The following ASTN2 variants were observed in gnomAD, a reference collection of about 807,000 sequenced individuals.
The protein encoded by ASTN2 is astrotactin-2.
In ASTN2, 54 loss-of-function variants were observed where a neutral mutation model predicts 139.8. The observed-to-expected ratio is 0.39, with a 90% CI of 0.31 to 0.48. The LOEUF (loss-of-function observed/expected upper bound fraction) is 0.48. Among genes scored for constraint, ASTN2 ranks in the 20% least tolerant of loss-of-function variants. ASTN2 has a pLI of 0.95. For missense variants in ASTN2, 1,565 were observed against 1,725.1 expected (o/e 0.91, Z 1.64); for synonymous variants, 756 against 719.5 (o/e 1.05, Z -0.81).
chr9:116,897,230 T>C (rs1833900049), intron 10 of ASTN2, among the ~76,000 whole-genome samples: 2 of 152,140 alleles, frequency 1.3e-5, no homozygotes, highest in African/African-American at 4.8e-5. Context: ...CAAGTGGTAA[T>C]ACCAGGCGAA....
chr9:116,760,064 G>A (rs1205208648), intron 13 of ASTN2, among the ~76,000 whole-genome samples: 1 of 152,138 alleles, frequency 6.6e-6, no homozygotes, highest in Admixed American at 6.5e-5. Flanking sequence ...TAACAGGACG[G>A]GTTTAGGAGC....
chr9:116,936,676 G>T (rs1835093207), intron 10 of ASTN2, among the ~76,000 whole-genome samples: 1 of 152,084 alleles, frequency 6.6e-6, no homozygotes, highest in Admixed American at 6.5e-5. Context: ...GTAAAGTTTG[G>T]GTTTTCTGAC....
intron 1 of ASTN2, among the ~76,000 whole-genome samples, chr9:117,363,335 C>A (rs1829745654): frequency 6.6e-6 from 1 of 152,206 alleles, no homozygotes; most frequent in Admixed American, 6.5e-5. Flanking sequence ...AAATACTTTA[C>A]ACACATTATC....
intron 16 of ASTN2, among the ~76,000 whole-genome samples, chr9:116,654,256 T>C (rs773578708): frequency 2.6e-5 from 4 of 152,200 alleles, no homozygotes; most frequent in Non-Finnish European, 5.9e-5. Context: ...CATTTATTTA[T>C]TGTGAATAGC....
At chr9:116,623,348 AC>A (rs1856272435) in intron 17 of ASTN2, among the ~76,000 whole-genome samples, 1 of 152,058 alleles carries the variant, frequency 6.6e-6, no homozygotes, top group South Asian at 2.1e-4. Flanking sequence ...CTTTCCCAAA[AC>A]CCCGAGGAAC....
intron 16 of ASTN2, among the ~76,000 whole-genome samples, chr9:116,711,448 C>T (rs951788641): frequency 3.3e-5 from 5 of 152,152 alleles, no homozygotes; most frequent in African/African-American, 1.2e-4. Context: ...TTCTTCTGGA[C>T]GATACCATCT....
At chr9:117,163,328 G>T (rs1830595490) in intron 3 of ASTN2, among the ~76,000 whole-genome samples, 1 of 152,000 alleles carries the variant, frequency 6.6e-6, no homozygotes. Context: ...GCTGGACTTT[G>T]TATTACCTAA....
At chr9:116,643,721 A>G (rs1336848610) in intron 17 of ASTN2, among the ~76,000 whole-genome samples, 1 of 152,118 alleles carries the variant, frequency 6.6e-6, no homozygotes, top group Non-Finnish European at 1.5e-5. Flanking sequence ...GATGGATATT[A>G]TTGTCTTCAT....
chr9:116,854,230 C>A (rs1489386751), intron 11 of ASTN2, among the ~76,000 whole-genome samples: 1 of 152,194 alleles, frequency 6.6e-6, no homozygotes, highest in African/African-American at 2.4e-5. Flanking sequence ...ATCATTGCCA[C>A]CACCACCATA....
chr9:116,607,746 G>A (rs1855288598), intron 19 of ASTN2, among the ~76,000 whole-genome samples: 2 of 150,972 alleles, frequency 1.3e-5, no homozygotes, highest in South Asian at 2.1e-4. Flanking sequence ...CGGGTCACGA[G>A]GTCAGGAGAT....
At chr9:116,580,675 C>T (rs1853912328) in intron 19 of ASTN2, among the ~76,000 whole-genome samples, 1 of 152,142 alleles carries the variant, frequency 6.6e-6, no homozygotes, top group African/African-American at 2.4e-5. Context: ...GTGGGAGGTG[C>T]ACTTAATGGG....
chr9:116,901,125 TG>T (rs1262627034), intron 10 of ASTN2, among the ~76,000 whole-genome samples: 3 of 151,958 alleles, frequency 2.0e-5, no homozygotes, highest in Non-Finnish European at 4.4e-5. Flanking sequence ...CGTGTGCAAG[TG>T]TGTGAAAGCT....
chr9:116,499,242 A>ATG (rs1344101587), intron 19 of ASTN2, among the ~76,000 whole-genome samples: 3 of 152,132 alleles, frequency 2.0e-5, no homozygotes, highest in Non-Finnish European at 2.9e-5. Context: ...AGCCTTGTCC[A>ATG]TGTTGTTCAT....
At chr9:116,781,835 G>A (rs1315888675) in intron 13 of ASTN2, among the ~76,000 whole-genome samples, 1 of 152,112 alleles carries the variant, frequency 6.6e-6, no homozygotes, top group African/African-American at 2.4e-5. Flanking sequence ...TTGTTGAAAA[G>A]AAGAAAGGAA....
intron 16 of ASTN2, among the ~76,000 whole-genome samples, chr9:116,670,805 G>A (rs1859152137): frequency 6.6e-6 from 1 of 152,114 alleles, no homozygotes; most frequent in Non-Finnish European, 1.5e-5. Context: ...GCACTGCATA[G>A]GGAATCTTCT....
chr9:117,022,442 CA>C (rs143095854), intron 6 of ASTN2, among the ~76,000 whole-genome samples: 104 of 75,348 alleles, frequency 1.4e-3, no homozygotes, highest in Admixed American at 1.9e-3. Context: ...TATCCCAGGG[CA>C]AAAAAAAAAA....
chr9:116,491,390 T>C (rs1304346045), intron 19 of ASTN2, among the ~76,000 whole-genome samples: 1 of 152,222 alleles, frequency 6.6e-6, no homozygotes, highest in Admixed American at 6.5e-5. Flanking sequence ...GACATACCTT[T>C]TCTTTTATAC....
intron 13 of ASTN2, among the ~76,000 whole-genome samples, chr9:116,782,984 C>T (rs914353913): frequency 2.0e-5 from 3 of 152,112 alleles, no homozygotes; most frequent in African/African-American, 7.2e-5. Context: ...AGAGTGACTA[C>T]ATAATTTATC....
At chr9:116,684,687 G>A (rs1295484105) in intron 16 of ASTN2, among the ~76,000 whole-genome samples, 1 of 152,094 alleles carries the variant, frequency 6.6e-6, no homozygotes, top group Non-Finnish European at 1.5e-5. Context: ...CTCACCTTGG[G>A]GTTGACTCCC....
Sources: allele counts gnomAD v4.1 joint callset (sites outside exome capture counted in the v4.1 genomes callset), GRCh38; gene constraint gnomAD v4.1.1; transcripts MANE v1.5; gene names NCBI Gene and HGNC (gene_info 2026-07-23, HGNC 2026-07-21).